The following DUX4 variants were observed in gnomAD, a reference collection of about 807,000 sequenced individuals.
DUX4 encodes double homeobox 4, also known as double homeobox protein 4.
At chr4:190,179,061 GTCCCATTA>G (rs1742475443), downstream of DUX4, among the ~76,000 whole-genome samples, 1 of 143,448 alleles carries the variant, frequency 7.0e-6, no homozygotes, top group African/African-American at 2.7e-5. Flanking sequence ...CTAGAAAAGA[GTCCCATTA>G]CTTGGGTGAT....
downstream of DUX4, chr4:190,175,906 A>G (rs1255926515): frequency 3.1e-5 from 4 of 128,264 alleles, 1 homozygote; most frequent in Non-Finnish European, 6.7e-5. Flanking sequence ...CTGTAGAAAA[A>G]GCCTGAAATT....
At chr4:190,179,464 G>A (rs1579835553), downstream of DUX4, among the ~76,000 whole-genome samples, 289 of 148,504 alleles carry the variant, frequency 1.9e-3, no homozygotes, top group Admixed American at 2.0e-3. Context: ...GCAGATCCTA[G>A]AGAAGAGTTA....
downstream of DUX4, among the ~76,000 whole-genome samples, chr4:190,178,839 AG>A (rs1742455987): frequency 6.8e-6 from 1 of 146,826 alleles, no homozygotes; most frequent in Non-Finnish European, 1.5e-5. Flanking sequence ...ATTCCCCTGT[AG>A]GCAGAGCTTA....
downstream of DUX4, among the ~76,000 whole-genome samples, chr4:190,177,819 G>T (rs1742387947): frequency 2.9e-3 from 389 of 135,364 alleles, no homozygotes; most frequent in South Asian, 8.8e-3. Context: ...TTTTGGCAGA[G>T]CCTAGACAAG....
chr4:190,185,642 G>T (rs1742657512), intron 2 of DUX4, among the ~76,000 whole-genome samples: 1 of 71,030 alleles, frequency 1.4e-5, no homozygotes, highest in Non-Finnish European at 3.7e-5. Context: ...TAATCTCAGT[G>T]ACAGGGGAAC....
intron 1 of DUX4, among the ~76,000 whole-genome samples, chr4:190,181,635 TG>T (rs1448448037): frequency 0.05 from 261 of 5,252 alleles, no homozygotes; most frequent in Middle Eastern, 0.1. Flanking sequence ...GAAAGCCCCC[TG>T]TAGGCAGAGC....
chr4:190,177,160 T>TGTGC, downstream of DUX4, among the ~76,000 whole-genome samples: 1 of 148,554 alleles, frequency 6.7e-6, no homozygotes, highest in South Asian at 2.2e-4. Context: ...TTACATCACC[T>TGTGC]AGATGATCTG....
At chr4:190,177,539 T>TTACAATTCCTCTTC (rs1742373439), downstream of DUX4, among the ~76,000 whole-genome samples, 1 of 118,560 alleles carries the variant, frequency 8.4e-6, no homozygotes, top group Non-Finnish European at 1.8e-5. Context: ...AATTCCCCTT[T>TTACAATTCCTCTTC]AGGCACAGCT....
chr4:190,176,548 T>A (rs1243134525), downstream of DUX4, among the ~76,000 whole-genome samples: 1 of 102,474 alleles, frequency 9.8e-6, no homozygotes, highest in Non-Finnish European at 2.3e-5. Context: ...TCACCTAGTT[T>A]ATCAGTGTAA....
At chr4:190,176,234 C>T (rs1466269097), downstream of DUX4, among the ~76,000 whole-genome samples, 1 of 113,452 alleles carries the variant, frequency 8.8e-6, no homozygotes, top group African/African-American at 2.6e-5. Context: ...ATCACAAAGC[C>T]CCCTGTAGAC....
chr4:190,180,007 AACTAGAGTTAC>A (rs1742524619), downstream of DUX4, among the ~76,000 whole-genome samples: 11 of 72,062 alleles, frequency 1.5e-4, no homozygotes, highest in Non-Finnish European at 2.2e-4. Context: ...GCAGAGCTTA[AACTAGAGTTAC>A]ATCACCTGTG....
chr4:190,179,794 C>CCGAGCAT (rs1742512944), downstream of DUX4, among the ~76,000 whole-genome samples: 1 of 5,882 alleles, frequency 1.7e-4, no homozygotes, highest in African/African-American at 8.0e-4. Flanking sequence ...CCCCTGTAGG[C>CCGAGCAT]AAGCCTACAC....
chr4:190,176,782 C>T (rs1253224757), downstream of DUX4, among the ~76,000 whole-genome samples: 13 of 104,116 alleles, frequency 1.2e-4, 1 homozygote, highest in African/African-American at 2.2e-4. Flanking sequence ...CCAGTGTCCC[C>T]TGTAGGCAGT....
chr4:190,178,887 CTATG>C (rs1742460634), downstream of DUX4, among the ~76,000 whole-genome samples: 30,590 of 67,200 alleles, frequency 0.46, 2,646 homozygotes, highest in Middle Eastern at 0.56. Flanking sequence ...CAGTGCAGAT[CTATG>C]TCACAATGCC....
rs1319776898 is a variant in DUX4, at chr4:190,183,662, C to A, written n.93-1679C>A. On this transcript the variant is annotated intron_variant and non_coding_transcript_variant, in intron 1 of 2. Coordinates refer to the DUX4 transcript ENST00000563716. Reference sequence around the variant, plus strand: ...TGGGAATACTGAACACAGAAATGAACCAATGGAAACATCCTACGTTCCAAA... The same window carrying A: ...TGGGAATACTGAACACAGAAATGAAACAATGGAAACATCCTACGTTCCAAA... 4.0e-3 allele frequency among the ~76,000 whole-genome samples: 439 copies of A among 111,046 alleles called. 12 individuals carry two copies. Among genetic ancestry groups the A allele is most frequent in the African/African-American group, 0.011 (410 of 37,786 alleles). The allele number at this position is 111,046 out of a possible 152,430, so 72.9% of individuals were successfully genotyped here. A position where few individuals can be genotyped will look rare whatever the true frequency, so the allele number is the denominator to read the frequency against.
At chr4:190,178,772 GCC>G (rs1742450128), downstream of DUX4, among the ~76,000 whole-genome samples, 2 of 108,948 alleles carry the variant, frequency 1.8e-5, no homozygotes, top group African/African-American at 3.4e-5. Context: ...CCCCCTGTAG[GCC>G]AAAGCCTAGA....
At chr4:190,181,167 A>T in intron 1 of DUX4, among the ~76,000 whole-genome samples, 1 of 147,686 alleles carries the variant, frequency 6.8e-6, no homozygotes, top group Non-Finnish European at 1.5e-5. Flanking sequence ...CTTTAGGCAG[A>T]GCTTAGACTA....
chr4:190,176,318 T>C (rs1344461273), downstream of DUX4, among the ~76,000 whole-genome samples: 27 of 105,326 alleles, frequency 2.6e-4, no homozygotes, highest in East Asian at 7.1e-4. Context: ...TAGGCAGAGC[T>C]TAGACAAGTG....
downstream of DUX4, among the ~76,000 whole-genome samples, chr4:190,180,085 A>T (rs1160091684): frequency 0.13 from 219 of 1,678 alleles, no homozygotes; most frequent in Middle Eastern, 0.25. Flanking sequence ...GACAAGAGTC[A>T]GTCACCTGGG....
Sources: gnomAD v4.1 joint callset for allele counts (sites outside exome capture counted in the v4.1 genomes callset) on GRCh38, gnomAD v4.1.1 for gene constraint, MANE v1.5 for transcripts, NCBI Gene and HGNC (gene_info 2026-07-23, HGNC 2026-07-21) for gene names.